BTD: variants seen among roughly 807,000 people sequenced by gnomAD.
BTD encodes biotinidase.
BTD carries 13 observed loss-of-function variants against 17.7 expected under a neutral mutation model. That is an observed-to-expected ratio of 0.74 (90% confidence interval 0.48 to 1.17). The LOEUF (loss-of-function observed/expected upper bound fraction) is 1.17. Among genes scored for constraint, BTD ranks in the 50% most tolerant of loss-of-function variants. The pLI is 0.00. For synonymous variants in BTD, 240 were observed against 245.2 expected, an observed-to-expected ratio of 0.98 and a Z score of 0.20; for missense variants, 674 against 650.4, an observed-to-expected ratio of 1.04 and a Z score of -0.39.
chr3:15,648,226 CCACT>C lies in BTD; in HGVS notation c.*2741_*2744del, dbSNP rs2065738915. Among the ~76,000 whole-genome samples the C allele has an allele frequency of 6.6e-6, 1 of 151,982 alleles. No individual in the cohort carries two copies. Among genetic ancestry groups the C allele is most frequent in the Non-Finnish European group, 1.5e-5 (1 of 68,024 alleles). On this transcript the variant is annotated 3_prime_UTR_variant, in exon 4 of 4. Transcript: ENST00000643237. ...ACTCAGAACCGCTCAAGTGAAATGA[CCACT>C]CAAAGAACAATTTCTCAACAAAGTG...
chr3:15,640,272 A>C (rs917283563), intron 2 of BTD, among the ~76,000 whole-genome samples: 1 of 152,252 alleles, frequency 6.6e-6, no homozygotes, highest in African/African-American at 2.4e-5. Flanking sequence ...TGGTCACCAC[A>C]GTTTTCTTTT....
Position 15,635,648 on chromosome 3 carries a change from T to G in BTD, c.209T>G (p.Leu70Arg). ...GCCTTGGAGCTCATGAACCAGAACCTTGACATCTATGAACAGCAAGTGATG... is the reference window on the plus strand; with the variant it reads ...GCCTTGGAGCTCATGAACCAGAACCGTGACATCTATGAACAGCAAGTGATG... ...QEALELMNQNLDIYEQQVMTA... is the reference protein window; with the variant it reads ...QEALELMNQNRDIYEQQVMTA... The change falls in exon 2 of 4, where the codon CTT (leucine) becomes CGT (arginine). Residue 70 changes from leucine (L) to arginine (R), a missense_variant. Physicochemically the swap from Leu to Arg is moderately radical, Grantham distance 102. Transcript: ENST00000643237. The surrounding 1 kb of genome is among the most constrained non-coding windows in gnomAD (Gnocchi z 4.1). The G allele has an allele frequency of 6.2e-7, 1 of 1,614,200 alleles. No homozygotes were observed. Among genetic ancestry groups the G allele is most frequent in the Non-Finnish European group, 8.5e-7 (1 of 1,180,026 alleles).
chr3:15,675,290 A>G (rs1183988288), intron 3 of BTD, among the ~76,000 whole-genome samples: 1 of 152,160 alleles, frequency 6.6e-6, no homozygotes, highest in Admixed American at 6.5e-5. Flanking sequence ...CAACAACAAC[A>G]ACAACAAAAG....
chr3:15,712,044 C>T lies in BTD; in HGVS notation c.*1970C>T, dbSNP rs527808290. ...GGTTATTAAATTATCCATACTGGAC[C>T]CATCTGCATTAATTTTTAAAAAGCA... On this transcript the variant is annotated 3_prime_UTR_variant, in exon 4 of 4. Coordinates refer to the BTD transcript ENST00000672141. 2.9e-4 allele frequency: 268 copies of T among 911,054 alleles called. No individual in the cohort carries two copies. In the Middle Eastern group the frequency reaches 6.7e-3, roughly 23 times the overall value. 56.4% of individuals were successfully genotyped at this position (911,054 alleles called of 1,614,324 possible). A position where few individuals can be genotyped will look rare whatever the true frequency, so the allele number is the denominator to read the frequency against.
intron 2 of BTD, among the ~76,000 whole-genome samples, chr3:15,637,513 A>G (rs974627045): frequency 6.6e-6 from 1 of 152,208 alleles, no homozygotes; most frequent in African/African-American, 2.4e-5. Flanking sequence ...TCATCATTCC[A>G]GCCTGTTGGG....
At chr3:15,679,363 A>G in intron 3 of BTD, 1 of 1,613,966 alleles carries the variant, frequency 6.2e-7, no homozygotes. Flanking sequence ...ACATCTCAGC[A>G]GCACCTTCGT....
downstream of BTD, chr3:15,714,498 C>G (rs77877452): frequency 1.8e-3 from 1,730 of 982,254 alleles, 9 homozygotes; most frequent in Non-Finnish European, 1.2e-3. Flanking sequence ...TTCCTCAATA[C>G]CATTCATTTG....
chr3:15,674,627 T>G (rs560378405), intron 3 of BTD, among the ~76,000 whole-genome samples: 13 of 152,240 alleles, frequency 8.5e-5, no homozygotes, highest in Admixed American at 3.3e-4. Context: ...ATAGGTAGTA[T>G]TTAAAACCAA....
chr3:15,704,216 T>A (rs950555149), intron 3 of BTD, among the ~76,000 whole-genome samples: 6 of 152,052 alleles, frequency 3.9e-5, no homozygotes, highest in Admixed American at 3.9e-4. Flanking sequence ...ATAAAGACAC[T>A]TCAGAGGACT....
intron 4 of BTD, among the ~76,000 whole-genome samples, chr3:15,721,759 T>C (rs2073758390): frequency 6.6e-6 from 1 of 152,234 alleles, no homozygotes; most frequent in Non-Finnish European, 1.5e-5. Context: ...CTTTTCTTTT[T>C]TTTGAGACAG....
Position 15,648,023 on chromosome 3 carries a change from G to T in BTD, c.*2535G>T, listed in dbSNP as rs1042837824. 2.0e-5 allele frequency among the ~76,000 whole-genome samples: 3 copies of T among 152,088 alleles called. No homozygotes were observed. Among genetic ancestry groups the T allele is most frequent in the African/African-American group, 7.2e-5 (3 of 41,424 alleles). The stretch of plus-strand genomic sequence containing the variant: ...ACCCAGGCCACTTTTCCCCACAGGT[G>T]GCCCTGCTTGGTACCTGTGCCCCCA... On this transcript the variant is annotated 3_prime_UTR_variant, in exon 4 of 4. Transcript: ENST00000643237.
At chr3:15,675,232 C>G (rs2066811357) in intron 3 of BTD, among the ~76,000 whole-genome samples, 1 of 152,112 alleles carries the variant, frequency 6.6e-6, no homozygotes, top group African/African-American at 2.4e-5. Flanking sequence ...GATCATGGCA[C>G]TGCACTCCAG....
intron 3 of BTD, among the ~76,000 whole-genome samples, chr3:15,707,755 T>A (rs1177912172): frequency 6.6e-6 from 1 of 152,246 alleles, no homozygotes; most frequent in African/African-American, 2.4e-5. Flanking sequence ...GTAATAACTA[T>A]GATTTATCAA....
At chr3:15,644,125 C>T (rs529139819) in intron 3 of BTD, among the ~76,000 whole-genome samples, 191 bp from the exon 4 acceptor site, 39 of 151,996 alleles carry the variant, frequency 2.6e-4, no homozygotes, top group African/African-American at 8.0e-4. Context: ...CTCAGCCTCC[C>T]GAGTAGCTGG....
chr3:15,695,008 G>A (rs1268734935), intron 3 of BTD, among the ~76,000 whole-genome samples: 1 of 152,116 alleles, frequency 6.6e-6, no homozygotes, highest in Non-Finnish European at 1.5e-5. Flanking sequence ...TGGGGGAAAT[G>A]CTACTTAATT....
chr3:15,711,383 T>A (rs2072255261), exon 4 of BTD: 1 of 863,994 alleles, frequency 1.2e-6, no homozygotes, highest in Admixed American at 2.2e-5. Flanking sequence ...CAAACAAAAC[T>A]ATGGGTTCTT....
downstream of BTD, among the ~76,000 whole-genome samples, chr3:15,655,022 C>T (rs1357742188): frequency 2.6e-5 from 4 of 152,108 alleles, no homozygotes; most frequent in South Asian, 2.1e-4. Flanking sequence ...CATGAGCCAC[C>T]GCGCCCGGCC....
intron 3 of BTD, among the ~76,000 whole-genome samples, chr3:15,680,660 T>A (rs1292279681): frequency 6.6e-6 from 1 of 152,172 alleles, no homozygotes; most frequent in Non-Finnish European, 1.5e-5. Flanking sequence ...CTGGTATTTT[T>A]TTATTTTATT....
intron 3 of BTD, among the ~76,000 whole-genome samples, chr3:15,662,657 G>T (rs2065936249): frequency 6.6e-6 from 1 of 152,028 alleles, no homozygotes; most frequent in Admixed American, 6.6e-5. Context: ...GGTGAAGGGG[G>T]CCATCCATGT....
Sources: allele counts gnomAD v4.1 joint callset (sites outside exome capture counted in the v4.1 genomes callset), GRCh38; gene constraint gnomAD v4.1.1; non-coding constraint Gnocchi (gnomAD v3.1); transcripts MANE v1.5; gene names NCBI Gene and HGNC (gene_info 2026-07-23, HGNC 2026-07-21).